PLEKHG4B: variants seen among roughly 807,000 people sequenced by gnomAD.
The protein encoded by PLEKHG4B is pleckstrin homology and RhoGEF domain containing G4B.
A neutral mutation model predicts 121.3 loss-of-function variants in PLEKHG4B; 111 were observed. The ratio of observed to expected loss-of-function variants is 0.92; its 90% CI spans 0.78 to 1.07. PLEKHG4B has a LOEUF of 1.07. Among genes scored for constraint, PLEKHG4B ranks in the 50% least tolerant of loss-of-function variants. The pLI, the probability that PLEKHG4B is intolerant of heterozygous loss-of-function variation, is 0.00. For synonymous variants in PLEKHG4B, 738 were observed against 725.0 expected (o/e 1.02, Z -0.29); for missense variants, 1,831 against 1,757.8 (o/e 1.04, Z -0.74).
chr5:154,822 GC>G, intron 7 of PLEKHG4B, 52 bp from the exon 8 acceptor site: 2 of 1,362,722 alleles, frequency 1.5e-6, no homozygotes. Context: ...TACAGTGTTT[GC>G]CCCCAAGAGA....
chr5:108,555 G>A (rs1734043509), intron 1 of PLEKHG4B, among the ~76,000 whole-genome samples: 1 of 150,492 alleles, frequency 6.6e-6, no homozygotes, highest in African/African-American at 2.4e-5. Flanking sequence ...GACAGACTGG[G>A]TGCAGATGGC....
intron 1 of PLEKHG4B, among the ~76,000 whole-genome samples, chr5:99,219 G>A (rs1292435550): frequency 3.9e-5 from 5 of 127,320 alleles, no homozygotes; most frequent in African/African-American, 1.5e-4. Flanking sequence ...TATATTTTGC[G>A]ATTTTGGGGC....
chr5:139,808 C>T lies in PLEKHG4B; in HGVS notation c.569C>T (p.Ala190Val), dbSNP rs1735096272. 2 of 398,892 alleles carry T rather than the reference C, an allele frequency of 5.0e-6. No individual in the cohort carries two copies. Among genetic ancestry groups the T allele is most frequent in the African/African-American group, 4.1e-5 (2 of 48,566 alleles). 24.7% of individuals were successfully genotyped at this position (398,892 alleles called of 1,614,324 possible). A position where few individuals can be genotyped will look rare whatever the true frequency, so the allele number is the denominator to read the frequency against. The part of the protein sequence containing the change: ...LLTSGLAVHR[A>V]PWSDVTDPVF... Reference sequence around the variant, plus strand: ...ACCTCAGGCTTGGCCGTCCACCGAGCCCCGTGGAGCGACGTCACTGACCCT... The same window carrying T: ...ACCTCAGGCTTGGCCGTCCACCGAGTCCCGTGGAGCGACGTCACTGACCCT... The change falls in exon 3 of 20, where the codon GCC becomes GTC. Residue 190 changes from alanine to valine, a missense_variant. By Grantham distance (64) the Ala-to-Val change is moderately conservative. Transcript: ENST00000637938. The surrounding 1 kb of genome is among the most constrained non-coding windows in gnomAD (Gnocchi z 5.0).
At chr5:164,029 G>A (rs761633238) in intron 13 of PLEKHG4B, among the ~76,000 whole-genome samples, 20 of 152,276 alleles carry the variant, frequency 1.3e-4, no homozygotes, top group Non-Finnish European at 2.4e-4. Context: ...AAGGGTGGGC[G>A]CACTCGGCCC....
Position 171,116 on chromosome 5 carries a change from G to A in PLEKHG4B, c.3803G>A (p.Gly1268Asp), listed in dbSNP as rs1310409418. ...PQSDALLSSHGNAFFKDKQRE... is the reference protein window; with the variant it reads ...PQSDALLSSHDNAFFKDKQRE... Reference sequence around the variant, plus strand: ...TCGGATGCCCTGCTCAGCAGCCATGGCAACGCCTTCTTCAAGGTCATCCCC... The same window carrying A: ...TCGGATGCCCTGCTCAGCAGCCATGACAACGCCTTCTTCAAGGTCATCCCC... Residue 1268 changes from glycine (G) to aspartate (D), a missense_variant, in exon 15 of 20, where the codon GGC becomes GAC. Gly to Asp is a moderately conservative substitution (Grantham distance 94, BLOSUM62 -1). Coordinates refer to ENST00000637938, the MANE Select transcript of PLEKHG4B (RefSeq NM_052909.5). 2 of 1,613,206 alleles carry A rather than the reference G, an allele frequency of 1.2e-6. No homozygotes were observed. Among genetic ancestry groups the A allele is most frequent in the South Asian group, 2.2e-5 (2 of 91,014 alleles).
rs1203049216 is a variant in PLEKHG4B at position 163,288 on chromosome 5, G to C, written c.3216G>C (p.Arg1072Ser). Residue 1072 changes from arginine to serine, a missense_variant, in exon 13 of 20, where the codon AGG (arginine) becomes AGC (serine). By Grantham distance (110) the Arg-to-Ser change is moderately radical. Coordinates refer to ENST00000637938, the MANE Select transcript of PLEKHG4B (RefSeq NM_052909.5). ...CCCAGACCCTGGCCAGCCGCCCCAG[G>C]AAACATCCCCAGAAGAAAATGATAA... is the stretch of plus-strand genomic sequence containing the variant. ...EPTQTLASRPRKHPQKKMIKK... is the reference protein window; with the variant it reads ...EPTQTLASRPSKHPQKKMIKK... 6.2e-7 allele frequency: 1 copy of C among 1,613,300 alleles called. No homozygotes were observed. Among genetic ancestry groups the C allele is most frequent in the African/African-American group, 1.3e-5 (1 of 75,062 alleles).
In PLEKHG4B at chr5:182,605, A is replaced by T. The variant is rs753339780; in HGVS notation, c.*282A>T. The T allele has an allele frequency of 3.5e-4, 148 of 421,180 alleles. No individual in the cohort carries two copies. Among genetic ancestry groups the T allele is most frequent in the Non-Finnish European group, 5.8e-4 (135 of 232,856 alleles). 26.1% of individuals were successfully genotyped at this position (421,180 alleles called of 1,614,324 possible). A position where few individuals can be genotyped will look rare whatever the true frequency, so the allele number is the denominator to read the frequency against. On this transcript the variant is annotated 3_prime_UTR_variant, in exon 20 of 20. Coordinates refer to ENST00000637938, the MANE Select transcript of PLEKHG4B (RefSeq NM_052909.5). ...AAAACAAGACAAAAAAAGACTAAACATGAAACAAAAGATGTCAAGACACAA... is the reference window on the plus strand; with the variant it reads ...AAAACAAGACAAAAAAAGACTAAACTTGAAACAAAAGATGTCAAGACACAA...
At chr5:164,534 G>GCTCACACAGTAATGCTCTGAC (rs1736185132) in intron 13 of PLEKHG4B, among the ~76,000 whole-genome samples, 1 of 25,582 alleles carries the variant, frequency 3.9e-5, no homozygotes, top group Non-Finnish European at 1.2e-4. Context: ...TGCTGTGACA[G>GCTCACACAGTAATGCTCTGAC]GGGGCGGAGC....
intron 6 of PLEKHG4B, among the ~76,000 whole-genome samples, chr5:148,040 T>G (rs1271297188): frequency 6.6e-6 from 1 of 152,054 alleles, no homozygotes; most frequent in African/African-American, 2.4e-5. Flanking sequence ...TCTTTCATGA[T>G]GAAAGCACTC....
chr5:180,399 A>G (rs1736894686), intron 18 of PLEKHG4B, among the ~76,000 whole-genome samples: 1 of 152,066 alleles, frequency 6.6e-6, no homozygotes, highest in Non-Finnish European at 1.5e-5. Flanking sequence ...CTTGAATTCC[A>G]GATTTTATCT....
intron 1 of PLEKHG4B, among the ~76,000 whole-genome samples, chr5:104,462 A>G (rs185536846): frequency 1.5e-3 from 226 of 152,386 alleles, no homozygotes; most frequent in African/African-American, 5.1e-3. Flanking sequence ...GGATCCTTCA[A>G]GGAAGAAAAT....
At chr5:154,159 C>T (rs1199557040) in intron 7 of PLEKHG4B, among the ~76,000 whole-genome samples, 1 of 152,076 alleles carries the variant, frequency 6.6e-6, no homozygotes, top group Non-Finnish European at 1.5e-5. Flanking sequence ...GTGCACACCA[C>T]CATGCCCAGC....
chr5:157,813 G>A lies in PLEKHG4B; in HGVS notation c.2487+902G>A, dbSNP rs1160196180. The stretch of plus-strand genomic sequence containing the variant: ...ACAACTATTGCTGCGATGAATGTGC[G>A]GGTGAAAGAGCCAGCAGCATGGAGA... On this transcript the variant is annotated intron_variant, in intron 11 of 19. Transcript: ENST00000637938. This position sits in a 1 kb window ranked among gnomAD's most constrained non-coding sequence, Gnocchi z 4.6. 2.0e-5 allele frequency among the ~76,000 whole-genome samples: 3 copies of A among 152,144 alleles called. No homozygotes were observed. The highest frequency in any genetic ancestry group is 1.9e-4 in the East Asian group (1 of 5,198).
At position 143,141 on chromosome 5, in the gene PLEKHG4B, A is replaced by C. The variant is rs753291921; in HGVS notation, c.1572A>C (p.Pro524=). 6.2e-7 allele frequency: 1 copy of C among 1,612,646 alleles called. No individual in the cohort carries two copies. Among genetic ancestry groups the C allele is most frequent in the Admixed American group, 1.7e-5 (1 of 60,022 alleles). ...SGPSDVPARQ[P]HPEQEGWPPG... is the part of the protein sequence containing the mutation. ...CTTCCGATGTGCCTGCCCGGCAGCC[A>C]CACCCCGAGCAAGAAGGGTGGCCAC... Residue 524 remains proline (P), a synonymous_variant, in exon 4 of 20, where the codon CCA becomes CCC. Coordinates refer to ENST00000637938, the MANE Select transcript of PLEKHG4B (RefSeq NM_052909.5).
chr5:165,077 C>G (rs917477298), intron 13 of PLEKHG4B, among the ~76,000 whole-genome samples: 3 of 99,026 alleles, frequency 3.0e-5, no homozygotes, highest in South Asian at 4.0e-4. Context: ...CACTAATGCT[C>G]TGACGGGGCG....
At position 124,949 on chromosome 5, in the gene PLEKHG4B, A is replaced by G. The variant is rs112257653; in HGVS notation, c.243+11501A>G. Among the ~76,000 whole-genome samples the G allele has an allele frequency of 3.2e-3, 484 of 152,254 alleles. 1 individual carries two copies. Among genetic ancestry groups the G allele is most frequent in the African/African-American group, 0.01 (432 of 41,560 alleles). On this transcript the variant is annotated intron_variant, in intron 2 of 19. Transcript: ENST00000637938. ...AGGAGTTTGAGACAGCCTGGCCAAC[A>G]TGGTGAAACCCCGTCTCTACTAAAA...
At chr5:93,184 A>T (rs1733523809) in intron 1 of PLEKHG4B, among the ~76,000 whole-genome samples, 1 of 152,154 alleles carries the variant, frequency 6.6e-6, no homozygotes, top group South Asian at 2.1e-4. Context: ...TGCATAATTG[A>T]TACTTTTGAC....
At chr5:106,583 A>G (rs12521349) in intron 1 of PLEKHG4B, among the ~76,000 whole-genome samples, 6,121 of 152,318 alleles carry the variant, frequency 0.04, 196 homozygotes, top group Non-Finnish European at 0.057. Context: ...GCGTGCTCAC[A>G]TTTCAAAACC....
chr5:133,473 G>A (rs920530157), intron 2 of PLEKHG4B, among the ~76,000 whole-genome samples: 2 of 151,954 alleles, frequency 1.3e-5, no homozygotes, highest in African/African-American at 4.8e-5. Flanking sequence ...GTGGGCTAAG[G>A]ACATGAATAG....
Sources: allele counts gnomAD v4.1 joint callset (sites outside exome capture counted in the v4.1 genomes callset), GRCh38; gene constraint gnomAD v4.1.1; non-coding constraint Gnocchi (gnomAD v3.1); transcripts MANE v1.5; gene names NCBI Gene and HGNC (gene_info 2026-07-23, HGNC 2026-07-21).